The following EXO1 variants were observed in gnomAD, a reference collection of about 807,000 sequenced individuals.
EXO1 encodes exonuclease 1.
Under a neutral mutation model 84.5 loss-of-function variants are expected in EXO1, and 69 were observed. The observed-to-expected ratio is 0.82, with a 90% CI of 0.67 to 1.00. The LOEUF is 1.00. Ranked by LOEUF, EXO1 falls within the 50% of genes least tolerant of loss-of-function variation. EXO1 has a pLI of 0.00. For missense variants in EXO1, 1,045 were observed against 1,000.7 expected (o/e 1.04, Z -0.60); for synonymous variants, 373 against 366.1 (o/e 1.02, Z -0.21).
chr1:241,876,324 A>G lies in EXO1; in HGVS notation c.1515-2425A>G, dbSNP rs74855355. 1.3e-3 allele frequency among the ~76,000 whole-genome samples: 205 copies of G among 152,328 alleles called. 3 individuals carry two copies. The highest frequency in any genetic ancestry group is 4.7e-3 in the African/African-American group (195 of 41,578). On this transcript the variant is annotated intron_variant, in intron 12 of 15. Coordinates refer to ENST00000366548, the MANE Select transcript of EXO1 (RefSeq NM_130398.4). ...CTAGACAGGGTATAGGCTCACACCTATAATCTCAGCACTCTGGGAGGCCGA... is the reference window on the plus strand; with the variant it reads ...CTAGACAGGGTATAGGCTCACACCTGTAATCTCAGCACTCTGGGAGGCCGA...
rs80060566 is a variant in EXO1 at position 241,867,637 on chromosome 1, A to C, written c.1267+582A>C. On this transcript the variant is annotated intron_variant, in intron 11 of 15. Coordinates refer to ENST00000366548, the MANE Select transcript of EXO1 (RefSeq NM_130398.4). Reference sequence around the variant, plus strand: ...ATGGCTTTTTTTTTTAATCTTGTATATATGGCTGTCCAATTGTTCCAGCAC... The same window carrying C: ...ATGGCTTTTTTTTTTAATCTTGTATCTATGGCTGTCCAATTGTTCCAGCAC... 2.8e-3 allele frequency among the ~76,000 whole-genome samples: 423 copies of C among 152,038 alleles called. 1 individual carries two copies. Among genetic ancestry groups the C allele is most frequent in the African/African-American group, 9.8e-3 (406 of 41,434 alleles).
chr1:241,850,833 A>AT (rs1660622376), intron 4 of EXO1, among the ~76,000 whole-genome samples: 1 of 97,660 alleles, frequency 1.0e-5, no homozygotes, highest in African/African-American at 4.0e-5. Flanking sequence ...TATCTCCTTT[A>AT]TTCTTTTTTT....
At chr1:241,875,089 C>T (rs560190009) in intron 12 of EXO1, among the ~76,000 whole-genome samples, 226 of 152,266 alleles carry the variant, frequency 1.5e-3, no homozygotes, top group African/African-American at 5.1e-3. Context: ...CTGCCACCTC[C>T]GCCTCCCGGG....
intron 8 of EXO1, 140 bp downstream of exon 8, chr1:241,858,858 C>G: frequency 1.4e-6 from 1 of 709,530 alleles, no homozygotes; most frequent in Non-Finnish European, 2.4e-6. Flanking sequence ...GACTGAGGCA[C>G]TAGAACTTTG....
chr1:241,859,833 A>T (rs1458826771), intron 8 of EXO1, among the ~76,000 whole-genome samples: 1 of 152,188 alleles, frequency 6.6e-6, no homozygotes, highest in Non-Finnish European at 1.5e-5. Flanking sequence ...TCCCCCTTGG[A>T]TATTCTCTAA....
At chr1:241,875,344 G>C (rs1445597184) in intron 12 of EXO1, among the ~76,000 whole-genome samples, 1 of 152,156 alleles carries the variant, frequency 6.6e-6, no homozygotes, top group Non-Finnish European at 1.5e-5. Flanking sequence ...AGTCAGCTTT[G>C]TCTAACCATG....
chr1:241,856,309 A>T (rs986388142), intron 6 of EXO1, among the ~76,000 whole-genome samples: 41 of 150,434 alleles, frequency 2.7e-4, no homozygotes, highest in Non-Finnish European at 5.6e-4. Flanking sequence ...GGCCTTGGGA[A>T]CCATTTTCCC....
rs4149953 is a variant in EXO1, at chr1:241,869,545, C to T, written c.1268-2487C>T. ...AATTTTAGTTCATGCTTTTATTTTT[C>T]AAATTTAAGCATAGATTATACATAT... On this transcript the variant is annotated intron_variant, in intron 11 of 15. Transcript: ENST00000366548. Among the ~76,000 whole-genome samples the T allele has an allele frequency of 7.7e-3, 1,176 of 152,190 alleles. 18 individuals are homozygous for T. Among genetic ancestry groups the T allele is most frequent in the African/African-American group, 0.027 (1,117 of 41,536 alleles).
intron 11 of EXO1, 106 bp downstream of exon 11, chr1:241,867,161 T>A (rs1661795602): frequency 1.2e-6 from 1 of 845,724 alleles, no homozygotes; most frequent in Non-Finnish European, 2.0e-6. Context: ...CTCCTAGAAG[T>A]TTTATAGTTG....
At chr1:241,851,251 T>G in intron 4 of EXO1, among the ~76,000 whole-genome samples, 1 of 152,222 alleles carries the variant, frequency 6.6e-6, no homozygotes, top group Non-Finnish European at 1.5e-5. Flanking sequence ...AAAACAAATG[T>G]GTTGTAAAAT....
In EXO1 at chr1:241,889,632, G is replaced by A. The variant is rs752072166; in HGVS notation, c.*32G>A. The stretch of plus-strand genomic sequence containing the variant: ...ACTGCTGCAAAGCTTTTGCCTGCAA[G>A]AGAATCTGATCAATTTGAAGTCCCT... On this transcript the variant is annotated 3_prime_UTR_variant, in exon 16 of 16. Transcript: ENST00000366548. The A allele has an allele frequency of 8.1e-6, 13 of 1,611,160 alleles. No individual in the cohort carries two copies. Among genetic ancestry groups the A allele is most frequent in the Non-Finnish European group, 9.3e-6 (11 of 1,177,580 alleles).
chr1:241,887,826 A>C (rs549474112), intron 15 of EXO1, among the ~76,000 whole-genome samples: 4 of 151,910 alleles, frequency 2.6e-5, no homozygotes, highest in Non-Finnish European at 5.9e-5. Context: ...TTTTGTAGAG[A>C]TCGGGTTTCG....
intron 7 of EXO1, 69 bp from the exon 8 acceptor site, chr1:241,858,437 T>G: frequency 1.1e-6 from 1 of 919,190 alleles, no homozygotes; most frequent in Non-Finnish European, 1.8e-6. Flanking sequence ...TTCTTAAAAT[T>G]ATTGCAGTGG....
chr1:241,853,391 A>G lies in EXO1; in HGVS notation c.315A>G (p.Gln105=), dbSNP rs1660772920. 8 of 1,613,910 alleles carry G rather than the reference A, an allele frequency of 5.0e-6. No homozygotes were observed. Among genetic ancestry groups the G allele is most frequent in the Non-Finnish European group, 6.8e-6 (8 of 1,179,918 alleles). The change falls in exon 6 of 16, where the codon CAA becomes CAG. Residue 105 remains glutamine, a synonymous_variant. Coordinates refer to ENST00000366548, the MANE Select transcript of EXO1 (RefSeq NM_130398.4). The stretch of plus-strand genomic sequence containing the variant: ...AAGCCAATCTTCTTAAGGGAAAGCA[A>G]CTTCTTCGTGAGGGGAAAGTCTCGG... ...RRQANLLKGK[Q]LLREGKVSEA... is the part of the protein sequence containing the mutation.
chr1:241,888,515 G>T (rs1038268594), intron 15 of EXO1, among the ~76,000 whole-genome samples: 1 of 152,170 alleles, frequency 6.6e-6, no homozygotes, highest in African/African-American at 2.4e-5. Context: ...TCTGAATATT[G>T]TAAGAATAGT....
rs1661766042 is a variant in EXO1 at position 241,866,810 on chromosome 1, T to C, written c.1042-20T>C. The C allele has an allele frequency of 6.6e-7, 1 of 1,511,176 alleles. No individual in the cohort carries two copies. The highest frequency in any genetic ancestry group is 2.3e-5 in the East Asian group (1 of 44,264). The allele number at this position is 1,511,176 out of a possible 1,614,324, so 93.6% of individuals were successfully genotyped here. ...ATTATTTTCTTTCTGCAAATAATCT[T>C]TTTCCTTTTCCTTTTCTAGCCTGCC... On this transcript the variant is annotated intron_variant, in intron 10 of 15. Coordinates refer to ENST00000366548, the MANE Select transcript of EXO1 (RefSeq NM_130398.4).
chr1:241,853,538 G>A, intron 6 of EXO1, 57 bp downstream of exon 6: 2 of 1,595,422 alleles, frequency 1.3e-6, no homozygotes, highest in Non-Finnish European at 1.7e-6. Flanking sequence ...CTTGTTTATT[G>A]ATGGGAGAGG....
At chr1:241,863,454 A>G (rs1221111432) in intron 10 of EXO1, among the ~76,000 whole-genome samples, 1 of 151,768 alleles carries the variant, frequency 6.6e-6, no homozygotes, top group African/African-American at 2.4e-5. Flanking sequence ...AAAGTGATAT[A>G]TTAAGGGAAC....
intron 12 of EXO1, among the ~76,000 whole-genome samples, chr1:241,873,622 G>GT: frequency 6.6e-6 from 1 of 152,240 alleles, no homozygotes; most frequent in Non-Finnish European, 1.5e-5. Context: ...GCCATGCTAG[G>GT]TGCTATAGTT....
Sources: gnomAD v4.1 joint callset for allele counts (sites outside exome capture counted in the v4.1 genomes callset) on GRCh38, gnomAD v4.1.1 for gene constraint, MANE v1.5 for transcripts, NCBI Gene and HGNC (gene_info 2026-07-23, HGNC 2026-07-21) for gene names.